The following ZNF544 variants were observed in gnomAD, a reference collection of about 807,000 sequenced individuals.
ZNF544 encodes the protein zinc finger protein 544.
A neutral mutation model predicts 13.5 loss-of-function variants in ZNF544; 10 were observed. That is an observed-to-expected ratio of 0.74 (90% CI 0.46 to 1.25). The LOEUF (loss-of-function observed/expected upper bound fraction) is 1.25. ZNF544 is among the 50% of genes most tolerant of loss of function. The pLI, the probability that ZNF544 is intolerant of heterozygous loss-of-function variation, is 0.00. For synonymous variants in ZNF544, 323 were observed against 300.5 expected, an observed-to-expected ratio of 1.07 and a Z score of -0.77; for missense variants, 896 against 845.6, an observed-to-expected ratio of 1.06 and a Z score of -0.74.
At chr19:58,234,033 CT>C in intron 3 of ZNF544, among the ~76,000 whole-genome samples, 1 of 152,342 alleles carries the variant, frequency 6.6e-6, no homozygotes, top group Admixed American at 6.5e-5. Flanking sequence ...GCCCACTTCT[CT>C]CCATTTTGCT....
At chr19:58,242,925 G>C (rs2044218821) in intron 3 of ZNF544, among the ~76,000 whole-genome samples, 1 of 152,114 alleles carries the variant, frequency 6.6e-6, no homozygotes, top group Non-Finnish European at 1.5e-5. Context: ...TTGAACTCCT[G>C]ACCTTGTGAT....
chr19:58,246,874 A>C (rs891084020), intron 6 of ZNF544, 80 bp downstream of exon 6: 10 of 1,407,766 alleles, frequency 7.1e-6, no homozygotes, highest in Non-Finnish European at 9.8e-6. Flanking sequence ...CCAGGGGCCA[A>C]GGAGGGAGCC....
chr19:58,273,087 A>C (rs1476913059), intron 5 of ZNF544, among the ~76,000 whole-genome samples: 2 of 151,670 alleles, frequency 1.3e-5, no homozygotes, highest in Non-Finnish European at 2.9e-5. Context: ...AGGCTGAGGC[A>C]GGAGAATCGC....
intron 3 of ZNF544, among the ~76,000 whole-genome samples, chr19:58,241,689 G>C (rs965535203): frequency 6.6e-6 from 1 of 151,888 alleles, no homozygotes; most frequent in Non-Finnish European, 1.5e-5. Context: ...AGTAGAGACA[G>C]GGTTTCACCG....
chr19:58,229,519 T>G lies in ZNF544; in HGVS notation c.-180T>G, dbSNP rs1198896936. 1 of 152,334 alleles carries G rather than the reference T, an allele frequency of 6.6e-6. No homozygotes were observed. The highest frequency in any genetic ancestry group is 2.4e-5 in the African/African-American group (1 of 41,454). The allele number at this position is 152,334 out of a possible 1,614,324, so 9.4% of individuals were successfully genotyped here. A position where few individuals can be genotyped will look rare whatever the true frequency, so the allele number is the denominator to read the frequency against. On this transcript the variant is annotated 5_prime_UTR_variant, in exon 2 of 7. In the 5' UTR this introduces an upstream ATG that the reference lacks. Transcript: ENST00000687789. Reference sequence around the variant, plus strand: ...GCGGCACCAGGCAGGTGACGCCTATTGGACCCCAGAGGTCATCCCAGCTCC... The same window carrying G: ...GCGGCACCAGGCAGGTGACGCCTATGGGACCCCAGAGGTCATCCCAGCTCC...
At chr19:58,241,527 C>T (rs577284489) in intron 3 of ZNF544, among the ~76,000 whole-genome samples, 51 of 146,754 alleles carry the variant, frequency 3.5e-4, no homozygotes, top group African/African-American at 9.1e-4. Context: ...GGTGGAGTCT[C>T]GCTCTGTCAC....
chr19:58,270,448 C>T (rs546331755), intron 5 of ZNF544, among the ~76,000 whole-genome samples: 5 of 152,082 alleles, frequency 3.3e-5, no homozygotes, highest in East Asian at 3.9e-4. Context: ...ATTACAGGCA[C>T]GTGCCACCAC....
At chr19:58,270,356 C>T (rs2050481781) in intron 5 of ZNF544, among the ~76,000 whole-genome samples, 1 of 147,080 alleles carries the variant, frequency 6.8e-6, no homozygotes, top group African/African-American at 2.5e-5. Context: ...GTCTGGAGTG[C>T]AGTGGCGCGA....
intron 3 of ZNF544, among the ~76,000 whole-genome samples, chr19:58,237,537 C>CA (rs2042676041): frequency 6.6e-6 from 1 of 152,222 alleles, no homozygotes; most frequent in African/African-American, 2.4e-5. Flanking sequence ...CGGCTCACCT[C>CA]ACGGGCTGAC....
chr19:58,251,262 G>C (rs184501260), intron 6 of ZNF544: 144 of 516,796 alleles, frequency 2.8e-4, no homozygotes, highest in Middle Eastern at 6.4e-4. Flanking sequence ...AGACACCAAG[G>C]AAAGTTGGTA....
At chr19:58,234,412 G>A (rs1053491043) in intron 3 of ZNF544, among the ~76,000 whole-genome samples, 4 of 152,174 alleles carry the variant, frequency 2.6e-5, no homozygotes, top group Non-Finnish European at 4.4e-5. Context: ...TGCTCATGTG[G>A]CCTCCCTGCT....
At chr19:58,273,330 C>T (rs921352267) in intron 5 of ZNF544, among the ~76,000 whole-genome samples, 1 of 152,102 alleles carries the variant, frequency 6.6e-6, no homozygotes. Context: ...AAAAATACTA[C>T]ATCTGTTTAA....
chr19:58,244,130 C>T, intron 4 of ZNF544, 74 bp downstream of exon 4: 5 of 1,335,492 alleles, frequency 3.7e-6, no homozygotes, highest in Non-Finnish European at 5.2e-6. Context: ...AGCACCCGCC[C>T]CTGCAGGCTG....
intron 3 of ZNF544, among the ~76,000 whole-genome samples, chr19:58,233,407 T>C (rs1252587389): frequency 6.6e-6 from 1 of 152,156 alleles, no homozygotes; most frequent in African/African-American, 2.4e-5. Flanking sequence ...ATCTTGAATG[T>C]TTATGGACCA....
chr19:58,242,275 G>GT, intron 3 of ZNF544: 1 of 985,352 alleles, frequency 1.0e-6, no homozygotes, highest in Non-Finnish European at 1.2e-6. Flanking sequence ...GATGATGCTG[G>GT]TGGAAGAGGT....
chr19:58,259,419 G>A (rs1339702456), intron 6 of ZNF544: 1 of 152,186 alleles, frequency 6.6e-6, no homozygotes, highest in Non-Finnish European at 1.5e-5. Context: ...TGCTTCCTGT[G>A]GCTGCTGTAA....
intron 3 of ZNF544, among the ~76,000 whole-genome samples, chr19:58,235,782 C>T (rs1448072830): frequency 5.9e-5 from 9 of 152,090 alleles, no homozygotes; most frequent in Admixed American, 2.0e-4. Context: ...CTTCATAGGC[C>T]GGGCTTGATG....
intron 5 of ZNF544, among the ~76,000 whole-genome samples, chr19:58,272,804 C>T (rs2050787710): frequency 6.8e-6 from 1 of 147,330 alleles, no homozygotes; most frequent in South Asian, 2.2e-4. Context: ...ACCTGGGAGG[C>T]GGAGGTTGCA....
At position 58,261,289 on chromosome 19, in the gene ZNF544, TGAGTA is replaced by T. The variant is rs2048883733; in HGVS notation, c.684_688del (p.Ser229ThrfsTer5). ...AGAGCTTTCTGTCAGAGTATTTACT[TGAGTA>T]AACTTGGAAACGTTGAAACAGGAAA... On this transcript the variant is annotated frameshift_variant, in exon 7 of 7. Coordinates refer to ENST00000687789, the MANE Select transcript of ZNF544 (RefSeq NM_014480.4). LOFTEE classifies it low-confidence loss of function (END_TRUNC). 2 of 1,614,206 alleles carry T rather than the reference TGAGTA, an allele frequency of 1.2e-6. No individual in the cohort carries two copies. Among genetic ancestry groups the T allele is most frequent in the Non-Finnish European group, 1.7e-6 (2 of 1,180,040 alleles).
Sources: allele counts gnomAD v4.1 joint callset (sites outside exome capture counted in the v4.1 genomes callset), GRCh38; gene constraint gnomAD v4.1.1; transcripts MANE v1.5; gene names NCBI Gene and HGNC (gene_info 2026-07-23, HGNC 2026-07-21).